The following PRKG1 variants were observed in gnomAD, a reference collection of about 807,000 sequenced individuals.
PRKG1 encodes the protein protein kinase cGMP-dependent 1.
PRKG1 carries 35 observed loss-of-function variants against 88.1 expected under a neutral mutation model. The ratio of observed to expected loss-of-function variants is 0.40; its 90% CI spans 0.30 to 0.53. The LOEUF (loss-of-function observed/expected upper bound fraction) is 0.53. Ranked by LOEUF, PRKG1 falls within the 20% of genes least tolerant of loss-of-function variation. PRKG1 has a pLI of 0.59. For synonymous variants in PRKG1, 303 were observed against 292.5 expected, an observed-to-expected ratio of 1.04 and a Z score of -0.37; for missense variants, 540 against 839.8, an observed-to-expected ratio of 0.64 and a Z score of 4.41.
At chr10:51,611,481 T>TC (rs1440312403) in intron 3 of PRKG1, among the ~76,000 whole-genome samples, 1 of 72,948 alleles carries the variant, frequency 1.4e-5, no homozygotes, top group Non-Finnish European at 4.6e-5. Flanking sequence ...ATTTGCCCTT[T>TC]TTTAAAAAAA....
At chr10:51,483,709 A>T (rs918492924) in intron 3 of PRKG1, among the ~76,000 whole-genome samples, 4 of 152,220 alleles carry the variant, frequency 2.6e-5, no homozygotes, top group Admixed American at 2.6e-4. Context: ...TAAAATGCTG[A>T]TAGCAAGGCA....
intron 9 of PRKG1, among the ~76,000 whole-genome samples, chr10:52,204,367 T>C (rs1238393094): frequency 1.3e-5 from 2 of 152,128 alleles, no homozygotes; most frequent in African/African-American, 4.8e-5. Flanking sequence ...ATTACAGGTG[T>C]GAGCCACTGC....
Position 51,682,420 on chromosome 10 carries a change from C to G in PRKG1, c.593-122165C>G, listed in dbSNP as rs1840874804. On this transcript the variant is annotated intron_variant, in intron 3 of 17. Transcript: ENST00000373980. ...GTAACAAATCTTCCTTGGAGTGTCT[C>G]TTTCCTCTTCTGAAGTAGAAGTCCT... Among the ~76,000 whole-genome samples the G allele has an allele frequency of 3.9e-5, 6 of 152,280 alleles. No individual in the cohort carries two copies. In the South Asian group the frequency reaches 1.2e-3, roughly 32 times the overall value.
chr10:51,657,139 C>T (rs1336917181), intron 3 of PRKG1, among the ~76,000 whole-genome samples: 1 of 152,028 alleles, frequency 6.6e-6, no homozygotes, highest in Non-Finnish European at 1.5e-5. Flanking sequence ...TCTGTTTTCC[C>T]CTTTAAGCTT....
intron 2 of PRKG1, among the ~76,000 whole-genome samples, chr10:51,261,736 T>C (rs1001579430): frequency 1.7e-4 from 4 of 23,708 alleles, no homozygotes; most frequent in South Asian, 2.0e-3. Context: ...TTCGAACAAA[T>C]GTCTCCAGGG....
intron 2 of PRKG1, among the ~76,000 whole-genome samples, chr10:51,437,101 G>A (rs1838954633): frequency 6.6e-6 from 1 of 151,904 alleles, no homozygotes; most frequent in African/African-American, 2.4e-5. Flanking sequence ...AATTGTGTTT[G>A]TATGAGGTCT....
chr10:52,145,572 G>T (rs1023653562), intron 8 of PRKG1, among the ~76,000 whole-genome samples: 3 of 152,120 alleles, frequency 2.0e-5, no homozygotes, highest in African/African-American at 7.2e-5. Flanking sequence ...GAGGTGGAGG[G>T]CACCAGGATT....
intron 4 of PRKG1, among the ~76,000 whole-genome samples, chr10:51,848,633 C>CTGTG (rs35222566): frequency 0.012 from 1,778 of 145,182 alleles, 9 homozygotes; most frequent in African/African-American, 0.016. Flanking sequence ...GTGTCTGTAT[C>CTGTG]TGTGTGTGTG....
In PRKG1 at chr10:52,116,004, G is replaced by A. The variant is rs546272900; in HGVS notation, c.936-17836G>A. On this transcript the variant is annotated intron_variant, in intron 7 of 17. Transcript: ENST00000373980. ...AGAGCTCCACTCAGCAATATAGACA[G>A]GAAGTATTTATAGACAGAAAAAAAA... 5.9e-5 allele frequency among the ~76,000 whole-genome samples: 9 copies of A among 152,076 alleles called. No homozygotes were observed. In the East Asian group the frequency reaches 1.7e-3, roughly 29 times the overall value.
chr10:51,657,256 G>GTT (rs975676131), intron 3 of PRKG1, among the ~76,000 whole-genome samples: 2 of 151,806 alleles, frequency 1.3e-5, no homozygotes, highest in African/African-American at 4.8e-5. Context: ...CATTTATATG[G>GTT]TTTTTTTGTT....
chr10:51,662,883 G>C (rs1443311379), intron 3 of PRKG1, among the ~76,000 whole-genome samples: 1 of 152,068 alleles, frequency 6.6e-6, no homozygotes, highest in Non-Finnish European at 1.5e-5. Flanking sequence ...TACTGGGGCA[G>C]TAAGTGTGGA....
chr10:51,237,285 G>A lies in PRKG1; in HGVS notation c.478+83955G>A, dbSNP rs573197014. The stretch of plus-strand genomic sequence containing the variant: ...ACATTCATATTTTGGTATTCTCAGG[G>A]CGTTGGTAGCTACTGGCGCCAAAGA... On this transcript the variant is annotated intron_variant, in intron 2 of 17. Coordinates refer to ENST00000373980, the MANE Select transcript of PRKG1 (RefSeq NM_006258.4). 2.0e-5 allele frequency among the ~76,000 whole-genome samples: 3 copies of A among 152,172 alleles called. No individual in the cohort carries two copies. The East Asian group carries it at 5.8e-4, about 29-fold the overall frequency.
At chr10:52,246,015 T>G (rs1423838003) in intron 9 of PRKG1, among the ~76,000 whole-genome samples, 1 of 152,160 alleles carries the variant, frequency 6.6e-6, no homozygotes, top group Non-Finnish European at 1.5e-5. Flanking sequence ...CTTCTGTTAT[T>G]GGAATGGCAA....
In PRKG1 at chr10:51,137,988, G is replaced by A. The variant is rs187160532; in HGVS notation, c.312-15176G>A. Among the ~76,000 whole-genome samples the A allele has an allele frequency of 2.7e-3, 416 of 152,212 alleles. 1 individual carries two copies. Among genetic ancestry groups the A allele is most frequent in the African/African-American group, 8.2e-3 (339 of 41,536 alleles). On this transcript the variant is annotated intron_variant, in intron 1 of 17. Transcript: ENST00000373980. ...AATAATAAGCTGAAAGTTACTTTGG[G>A]GACTTTCACTAGGAGGGGAGGTTAT... is the stretch of plus-strand genomic sequence containing the variant.
chr10:52,033,870 A>C (rs1845533792), intron 5 of PRKG1, among the ~76,000 whole-genome samples: 1 of 151,524 alleles, frequency 6.6e-6, no homozygotes, highest in African/African-American at 2.4e-5. Context: ...GTGAAGGGAG[A>C]TAGGGGTGGG....
chr10:51,701,358 T>C (rs756748806), intron 3 of PRKG1, among the ~76,000 whole-genome samples: 2 of 152,184 alleles, frequency 1.3e-5, no homozygotes, highest in Non-Finnish European at 2.9e-5. Flanking sequence ...TTGACATGAG[T>C]ATGATGGTTT....
chr10:52,248,115 A>G (rs922789133), intron 9 of PRKG1, among the ~76,000 whole-genome samples: 4 of 152,236 alleles, frequency 2.6e-5, no homozygotes, highest in Non-Finnish European at 5.9e-5. Flanking sequence ...TTGTGGCTTA[A>G]GAATGCCTTT....
At chr10:52,098,703 G>A (rs1306693586) in intron 7 of PRKG1, among the ~76,000 whole-genome samples, 1 of 152,194 alleles carries the variant, frequency 6.6e-6, no homozygotes, top group Non-Finnish European at 1.5e-5. Flanking sequence ...ATACATAGGA[G>A]AGTGCCTAAT....
chr10:51,906,151 G>A (rs542238489), intron 4 of PRKG1, among the ~76,000 whole-genome samples: 5 of 152,182 alleles, frequency 3.3e-5, no homozygotes, highest in African/African-American at 9.6e-5. Context: ...GTTAGGAGTC[G>A]GCCTGGAGAA....
Sources: gnomAD v4.1 joint callset for allele counts (sites outside exome capture counted in the v4.1 genomes callset) on GRCh38, gnomAD v4.1.1 for gene constraint, MANE v1.5 for transcripts, NCBI Gene and HGNC (gene_info 2026-07-23, HGNC 2026-07-21) for gene names.